ST3GAL2: variants seen among roughly 807,000 people sequenced by gnomAD.
ST3GAL2 encodes CMP-N-acetylneuraminate-beta-galactosamide-alpha-2,3-sialyltransferase 2.
Under a neutral mutation model 37.5 loss-of-function variants are expected in ST3GAL2, and 16 were observed. That is an observed-to-expected ratio of 0.43 (90% CI 0.29 to 0.65). The LOEUF (loss-of-function observed/expected upper bound fraction) is 0.65. Among genes scored for constraint, ST3GAL2 ranks in the 30% least tolerant of loss-of-function variants. The pLI, the probability that ST3GAL2 is intolerant of heterozygous loss-of-function variation, is 0.17. For synonymous variants in ST3GAL2, 238 were observed against 202.9 expected (o/e 1.17, Z -1.47); for missense variants, 383 against 487.8 (o/e 0.79, Z 2.02).
At chr16:70,384,972 G>GCAC (rs1202447871) in intron 4 of ST3GAL2, among the ~76,000 whole-genome samples, 1 of 150,670 alleles carries the variant, frequency 6.6e-6, no homozygotes, top group Non-Finnish European at 1.5e-5. Context: ...TCATGCCATT[G>GCAC]CACTACATGC....
chr16:70,391,734 C>T (rs917256176), intron 3 of ST3GAL2, among the ~76,000 whole-genome samples: 12 of 152,142 alleles, frequency 7.9e-5, no homozygotes, highest in African/African-American at 2.7e-4. Flanking sequence ...CTGGCCGGGG[C>T]CTGGGCGGGG....
chr16:70,408,660 A>C (rs935996607), intron 1 of ST3GAL2, among the ~76,000 whole-genome samples: 14 of 151,906 alleles, frequency 9.2e-5, no homozygotes, highest in Non-Finnish European at 2.9e-5. Context: ...CCTGCAGGAC[A>C]TCCAACTTTG....
At chr16:70,408,890 CAAAAAAAAAAAAAAAAAAAA>C (rs59060353) in intron 1 of ST3GAL2, among the ~76,000 whole-genome samples, 1,409 of 59,900 alleles carry the variant, frequency 0.024, 24 homozygotes, top group African/African-American at 0.066. Context: ...CTCAAAGAAA[CAAAAAAAAAAAAAAAAAAAA>C]AAAAAAAAAA....
intron 4 of ST3GAL2, among the ~76,000 whole-genome samples, chr16:70,385,666 C>G (rs556087715): frequency 1.3e-5 from 2 of 150,534 alleles, no homozygotes; most frequent in African/African-American, 4.9e-5. Flanking sequence ...GATTAAAGAC[C>G]CTTAGAACAT....
chr16:70,409,748 C>G (rs77988958), intron 1 of ST3GAL2, among the ~76,000 whole-genome samples: 4,681 of 151,944 alleles, frequency 0.031, 234 homozygotes, highest in African/African-American at 0.11. Flanking sequence ...TCAAATGATC[C>G]TACCTCAGGC....
intron 1 of ST3GAL2, among the ~76,000 whole-genome samples, chr16:70,406,517 C>T (rs942502297): frequency 1.3e-5 from 2 of 150,546 alleles, no homozygotes; most frequent in East Asian, 3.9e-4. Flanking sequence ...CACAGTGGCT[C>T]ACAGCTGTGA....
At position 70,382,864 on chromosome 16, in the gene ST3GAL2, C is replaced by T. The variant is rs1009043057; in HGVS notation, c.820G>A (p.Gly274Arg). 1.2e-6 allele frequency: 2 copies of T among 1,614,108 alleles called. No homozygotes were observed. The highest frequency in any genetic ancestry group is 1.1e-5 in the South Asian group (1 of 91,060). ...YIHDRWTEHHGRYPSTGMLVL... is the reference protein window; with the variant it reads ...YIHDRWTEHHRRYPSTGMLVL... ...AGCATCCCCGTGGAAGGGTACCGCC[C>T]GTGATGCTCTGTCCACCTGTCGTGG... The change falls in exon 6 of 7, where the codon GGG (glycine) becomes AGG (arginine). Residue 274 changes from glycine (G) to arginine (R), a missense_variant. Gly to Arg is a moderately radical substitution (Grantham distance 125, BLOSUM62 -2). This residue lies in a region of ST3GAL2 where 160 missense variants were observed against 248.6 expected (regional missense o/e 0.64). Transcript: ENST00000342907.
At chr16:70,419,331 A>C (rs2047697954) in intron 1 of ST3GAL2, among the ~76,000 whole-genome samples, 1 of 152,192 alleles carries the variant, frequency 6.6e-6, no homozygotes, top group Non-Finnish European at 1.5e-5. Flanking sequence ...CTATCCCCAG[A>C]TCCTGTTAGG....
At chr16:70,405,859 G>C (rs937602484) in intron 1 of ST3GAL2, among the ~76,000 whole-genome samples, 1 of 151,598 alleles carries the variant, frequency 6.6e-6, no homozygotes, top group Non-Finnish European at 1.5e-5. Context: ...AGGAGATCAA[G>C]ACCATCCTGG....
intron 1 of ST3GAL2, among the ~76,000 whole-genome samples, chr16:70,429,263 G>A (rs546978355): frequency 4.6e-5 from 7 of 152,242 alleles, no homozygotes; most frequent in Middle Eastern, 3.4e-3. Context: ...AGGCTGTGGC[G>A]GGCTTCTGTC....
intron 4 of ST3GAL2, among the ~76,000 whole-genome samples, chr16:70,385,584 A>G (rs578105772): frequency 9.2e-5 from 14 of 151,352 alleles, no homozygotes; most frequent in Non-Finnish European, 1.8e-4. Context: ...GAGACAGAGT[A>G]GATTAATGGT....
At chr16:70,393,235 G>T (rs1464922978) in intron 3 of ST3GAL2, among the ~76,000 whole-genome samples, 1 of 151,850 alleles carries the variant, frequency 6.6e-6, no homozygotes, top group African/African-American at 2.4e-5. Context: ...CCACCACCAC[G>T]CCCAGCTAAT....
chr16:70,437,850 C>T (rs555081752), intron 1 of ST3GAL2, among the ~76,000 whole-genome samples: 1 of 152,316 alleles, frequency 6.6e-6, no homozygotes, highest in East Asian at 1.9e-4. Flanking sequence ...GGGTGGCCAA[C>T]CAGCTTCCAA....
intron 1 of ST3GAL2, among the ~76,000 whole-genome samples, chr16:70,408,641 C>T (rs911249450): frequency 5.9e-5 from 9 of 151,896 alleles, no homozygotes; most frequent in Non-Finnish European, 8.8e-5. Context: ...CTCGGGCAGC[C>T]CCTCCCTTCC....
At chr16:70,394,615 C>T (rs145010073) in intron 3 of ST3GAL2, among the ~76,000 whole-genome samples, 2 of 152,172 alleles carry the variant, frequency 1.3e-5, no homozygotes, top group African/African-American at 2.4e-5. Context: ...TGGGCTCAAG[C>T]GATCCTCCCA....
rs2047351965 is a variant in ST3GAL2, at chr16:70,376,914, TG to T, written c.*4774del. On this transcript the variant is annotated 3_prime_UTR_variant, in exon 7 of 7. Transcript: ENST00000342907. ...CTGCCACTAAGCCTGGCCAATTTTTTGTATTTTTAGTAGAGACGGGGTTTCA... is the reference window on the plus strand; with the variant it reads ...CTGCCACTAAGCCTGGCCAATTTTTTTATTTTTAGTAGAGACGGGGTTTCA... 1 of 152,098 alleles carries T rather than the reference TG, an allele frequency of 6.6e-6. No homozygotes were observed. The highest frequency in any genetic ancestry group is 1.5e-5 in the Non-Finnish European group (1 of 68,000). The allele number at this position is 152,098 out of a possible 1,614,324, so 9.4% of individuals were successfully genotyped here. A position where few individuals can be genotyped will look rare whatever the true frequency, so the allele number is the denominator to read the frequency against.
chr16:70,433,389 C>A lies in ST3GAL2; in HGVS notation c.-1004+5560G>T, dbSNP rs2047804253. Among the ~76,000 whole-genome samples the A allele has an allele frequency of 2.0e-5, 3 of 152,182 alleles. No homozygotes were observed. The South Asian group carries it at 6.2e-4, about 32-fold the overall frequency. The stretch of plus-strand genomic sequence containing the variant: ...CTAGTCAGACTAAAGCCCCCTGCTT[C>A]ACCACCTGTCAGTTCAAGTCCTTAT... On this transcript the variant is annotated intron_variant, in intron 1 of 6. Coordinates refer to ENST00000342907, the MANE Select transcript of ST3GAL2 (RefSeq NM_006927.4).
chr16:70,417,288 G>A (rs2047682675), intron 1 of ST3GAL2, among the ~76,000 whole-genome samples: 2 of 151,346 alleles, frequency 1.3e-5, no homozygotes. Flanking sequence ...GCTCCACAGC[G>A]CCCCAGCCCC....
intron 1 of ST3GAL2, among the ~76,000 whole-genome samples, chr16:70,414,254 C>T (rs758993567): frequency 1.3e-5 from 2 of 152,156 alleles, no homozygotes; most frequent in Non-Finnish European, 2.9e-5. Flanking sequence ...ACAATGAGGG[C>T]AGGAGACTGA....
Sources: gnomAD v4.1 joint callset for allele counts (sites outside exome capture counted in the v4.1 genomes callset) on GRCh38, gnomAD v4.1.1 for gene constraint, gnomAD v4.1.1 regional missense constraint, MANE v1.5 for transcripts, NCBI Gene and HGNC (gene_info 2026-07-23, HGNC 2026-07-21) for gene names.